Variants in C22orf31 observed in about 807,000 individuals in gnomAD.
C22orf31 encodes the protein uncharacterized protein C22orf31.
A neutral mutation model predicts 15.0 loss-of-function variants in C22orf31; 11 were observed. The ratio of observed to expected loss-of-function variants is 0.73; its 90% confidence interval spans 0.46 to 1.21. The LOEUF (loss-of-function observed/expected upper bound fraction) is 1.21. Among genes scored for constraint, C22orf31 ranks in the 50% most tolerant of loss-of-function variants. The probability of loss-of-function intolerance (pLI) is 0.00; values close to 1 mark genes in which losing one functional copy is unlikely to be tolerated. For missense variants in C22orf31, 340 were observed against 347.2 expected (o/e 0.98, Z 0.17); for synonymous variants, 132 against 133.3 (o/e 0.99, Z 0.07).
intron 1 of C22orf31, among the ~76,000 whole-genome samples, chr22:29,061,285 G>A (rs1252106996): frequency 6.6e-6 from 1 of 152,106 alleles, no homozygotes; most frequent in Non-Finnish European, 1.5e-5. Flanking sequence ...TGTGTGGGGG[G>A]GACGGAGTTT....
the C22orf31 span, among the ~76,000 whole-genome samples, chr22:29,071,043 G>C: frequency 1.3e-5 from 2 of 152,154 alleles, no homozygotes; most frequent in African/African-American, 4.8e-5. Context: ...CTGCTGTCTG[G>C]GAGGGCACAG....
upstream of C22orf31, among the ~76,000 whole-genome samples, chr22:29,066,539 C>CT (rs134565): frequency 1.3e-3 from 93 of 70,198 alleles, 1 homozygote; most frequent in Non-Finnish European, 1.8e-3. Context: ...CTTTTCTTTT[C>CT]TTTTTTTTTT....
chr22:29,066,856 C>A, the C22orf31 span, among the ~76,000 whole-genome samples: 1 of 152,096 alleles, frequency 6.6e-6, no homozygotes, highest in African/African-American at 2.4e-5. Context: ...CCACCGCGCC[C>A]AGCCAACGCC....
At chr22:29,064,700 TTTTTTTTTTTTTTTTTTTTTTG>T (rs2037417752), upstream of C22orf31, among the ~76,000 whole-genome samples, 2 of 114,510 alleles carry the variant, frequency 1.7e-5, no homozygotes, top group African/African-American at 8.2e-5. Context: ...TTTTTTTTTT[TTTTTTTTTTTTTTTTTTTTTTG>T]TAGAGATGAG....
chr22:29,069,667 C>T, the C22orf31 span, among the ~76,000 whole-genome samples: 6 of 152,160 alleles, frequency 3.9e-5, no homozygotes, highest in African/African-American at 1.2e-4. Context: ...ATGACCTAGA[C>T]GTGCTGGGCT....
Position 29,060,021 on chromosome 22 carries a change from CTTTTTT to C in C22orf31, c.432+388_432+393del, listed in dbSNP as rs60208241. On this transcript the variant is annotated intron_variant, in intron 2 of 2. Transcript: ENST00000216071. ...CTTGGTATAGATCTTTTTTTCTTTT[CTTTTTT>C]TTTTTTTTTTTTTTTTATTTTTTAG... 12 of 541,650 alleles carry C rather than the reference CTTTTTT, an allele frequency of 2.2e-5. No homozygotes were observed. The Admixed American group carries it at 3.1e-4, about 14-fold the overall frequency. The allele number at this position is 541,650 out of a possible 1,614,324, so 33.6% of individuals were successfully genotyped here.
upstream of C22orf31, chr22:29,061,886 G>A: frequency 9.5e-7 from 1 of 1,056,120 alleles, no homozygotes; most frequent in Non-Finnish European, 1.4e-6. Flanking sequence ...CTTTTTTTTT[G>A]TTTTTGTTTT....
intron 1 of C22orf31, 46 bp downstream of exon 1, chr22:29,061,744 T>C: frequency 7.1e-7 from 1 of 1,412,268 alleles, no homozygotes; most frequent in Non-Finnish European, 9.8e-7. Flanking sequence ...TTTAAAGAGA[T>C]CTGGCTTTCT....
At chr22:29,067,271 T>C in the C22orf31 span, among the ~76,000 whole-genome samples, 1 of 151,620 alleles carries the variant, frequency 6.6e-6, no homozygotes, top group Admixed American at 6.6e-5. Flanking sequence ...TTATCTTGAT[T>C]ACTGGATTTT....
chr22:29,068,429 G>C, the C22orf31 span, among the ~76,000 whole-genome samples: 3 of 96,966 alleles, frequency 3.1e-5, no homozygotes, highest in Non-Finnish European at 6.2e-5. Context: ...TTTTTTTTTT[G>C]AGACGGAGTC....
At position 29,060,870 on chromosome 22, in the gene C22orf31, A is replaced by G. The variant is rs779586675; in HGVS notation, c.4-27T>C. On this transcript the variant is annotated intron_variant, in intron 1 of 2. Transcript: ENST00000216071. Reference sequence around the variant, plus strand: ...TAGAATTATAAGGAGGGAGAAATGAATTTTAAAAGGACCGTTCTTCAGCAG... The same window carrying G: ...TAGAATTATAAGGAGGGAGAAATGAGTTTTAAAAGGACCGTTCTTCAGCAG... 38 of 1,577,474 alleles carry G rather than the reference A, an allele frequency of 2.4e-5. No homozygotes were observed. The Middle Eastern group carries it at 6.8e-4, about 28-fold the overall frequency.
At chr22:29,059,308 G>C in intron 2 of C22orf31, 126 bp from the exon 3 acceptor site, 1 of 732,558 alleles carries the variant, frequency 1.4e-6, no homozygotes, top group Non-Finnish European at 2.2e-6. Flanking sequence ...GCATGTTCTA[G>C]TTTACTGAAT....
Position 29,060,194 on chromosome 22 carries a change from CT to C in C22orf31, c.432+220del, listed in dbSNP as rs60535445. On this transcript the variant is annotated intron_variant, in intron 2 of 2. Coordinates refer to ENST00000216071, the MANE Select transcript of C22orf31 (RefSeq NM_015370.2). ...TCACAGGCATGTGCATCATGCCTGG[CT>C]TTTTTTTTTTTTTTTTAGTAGAGAT... is the stretch of plus-strand genomic sequence containing the variant. Among the ~76,000 whole-genome samples, 1,027 of 128,762 alleles carry C rather than the reference CT, an allele frequency of 8.0e-3. 10 individuals carry two copies. Among genetic ancestry groups the C allele is most frequent in the African/African-American group, 0.023 (782 of 33,950 alleles). 84.5% of individuals were successfully genotyped at this position (128,762 alleles called of 152,430 possible).
chr22:29,068,434 G>A, the C22orf31 span, among the ~76,000 whole-genome samples: 9 of 144,436 alleles, frequency 6.2e-5, no homozygotes, highest in South Asian at 4.4e-4. Flanking sequence ...TTTTTGAGAC[G>A]GAGTCTTGCT....
upstream of C22orf31, among the ~76,000 whole-genome samples, chr22:29,065,785 G>A (rs1438400416): frequency 3.3e-5 from 5 of 152,204 alleles, no homozygotes; most frequent in African/African-American, 1.2e-4. Flanking sequence ...TTCCATCATG[G>A]GTGCCAGCAC....
upstream of C22orf31, among the ~76,000 whole-genome samples, chr22:29,063,917 G>T (rs151266723): frequency 4.0e-4 from 61 of 152,256 alleles, 1 homozygote; most frequent in East Asian, 6.4e-3. Context: ...ACCCAGGCTG[G>T]AGTGCAGTGG....
At chr22:29,069,834 G>C in the C22orf31 span, among the ~76,000 whole-genome samples, 3 of 152,052 alleles carry the variant, frequency 2.0e-5, no homozygotes, top group Non-Finnish European at 4.4e-5. Context: ...TTGTACAATA[G>C]GACCATTTTC....
At chr22:29,066,534 CTTTTCTTTTTTTTTTTTTTTT>C (rs2037431042), upstream of C22orf31, among the ~76,000 whole-genome samples, 1 of 65,116 alleles carries the variant, frequency 1.5e-5, no homozygotes, top group Admixed American at 2.0e-4. Flanking sequence ...CTTTTCTTTT[CTTTTCTTTTTTTTTTTTTTTT>C]TTTTTTTTTT....
the C22orf31 span, among the ~76,000 whole-genome samples, chr22:29,067,031 G>T: frequency 4.6e-5 from 7 of 152,232 alleles, no homozygotes; most frequent in East Asian, 1.4e-3. Flanking sequence ...ATGACTAGTT[G>T]TCTGAGCCAG....
Sources: allele counts gnomAD v4.1 joint callset (sites outside exome capture counted in the v4.1 genomes callset), GRCh38; gene constraint gnomAD v4.1.1; transcripts MANE v1.5; gene names NCBI Gene and HGNC (gene_info 2026-07-23, HGNC 2026-07-21).